The following GARNL3 variants were observed in gnomAD, a reference collection of about 807,000 sequenced individuals.
GARNL3 encodes the protein GTPase-activating Rap/Ran-GAP domain-like protein 3.
A neutral mutation model predicts 125.0 loss-of-function variants in GARNL3; 63 were observed. The ratio of observed to expected loss-of-function variants is 0.50; its 90% CI spans 0.41 to 0.62. GARNL3 has a LOEUF of 0.62. GARNL3 is among the 20% of genes least tolerant of loss of function. The pLI, the probability that GARNL3 is intolerant of heterozygous loss-of-function variation, is 0.00. For synonymous variants in GARNL3, 439 were observed against 457.5 expected, an observed-to-expected ratio of 0.96 and a Z score of 0.52; for missense variants, 994 against 1,244.0, an observed-to-expected ratio of 0.80 and a Z score of 3.02.
At chr9:127,235,081 TAAGTG>T (rs1164287073) in intron 1 of GARNL3, among the ~76,000 whole-genome samples, 3 of 152,164 alleles carry the variant, frequency 2.0e-5, no homozygotes, top group African/African-American at 7.2e-5. Flanking sequence ...ACATATGTGT[TAAGTG>T]AAGAGAAATA....
intron 1 of GARNL3, among the ~76,000 whole-genome samples, chr9:127,279,071 G>T (rs577551676): frequency 1.3e-5 from 2 of 152,156 alleles, no homozygotes; most frequent in East Asian, 1.9e-4. Context: ...CCTGAATTTG[G>T]GGGGGGACAC....
At chr9:127,270,721 T>G (rs1343644702) in intron 1 of GARNL3, among the ~76,000 whole-genome samples, 1 of 152,260 alleles carries the variant, frequency 6.6e-6, no homozygotes, top group South Asian at 2.1e-4. Context: ...TATATTCATT[T>G]CATTTACCAC....
chr9:127,381,758 G>A (rs1403664322), intron 22 of GARNL3, among the ~76,000 whole-genome samples: 3 of 118,924 alleles, frequency 2.5e-5, no homozygotes, highest in African/African-American at 8.3e-5. Context: ...CACCACGCCC[G>A]GCTAATTTTT....
At chr9:127,320,201 G>A (rs1195000385) in intron 5 of GARNL3, among the ~76,000 whole-genome samples, 2 of 152,146 alleles carry the variant, frequency 1.3e-5, no homozygotes, top group South Asian at 4.1e-4. Context: ...TGTATTGTAA[G>A]TAGTCTAGAA....
chr9:127,282,152 G>T (rs1270040087), intron 1 of GARNL3, among the ~76,000 whole-genome samples: 2 of 152,140 alleles, frequency 1.3e-5, no homozygotes, highest in Admixed American at 6.5e-5. Context: ...GTCCTCTAGG[G>T]CAGGGATCAT....
chr9:127,380,470 C>T (rs2131805240), intron 22 of GARNL3, among the ~76,000 whole-genome samples: 3 of 152,168 alleles, frequency 2.0e-5, no homozygotes, highest in Middle Eastern at 6.8e-3. Flanking sequence ...GAATATATGT[C>T]CATGCAGACT....
intron 12 of GARNL3, among the ~76,000 whole-genome samples, chr9:127,338,668 G>A (rs1253506783): frequency 6.6e-6 from 1 of 152,186 alleles, no homozygotes; most frequent in Non-Finnish European, 1.5e-5. Flanking sequence ...ACAATCAGAG[G>A]CAATACTGTA....
chr9:127,339,093 C>T (rs903230442), intron 12 of GARNL3, among the ~76,000 whole-genome samples: 5 of 151,756 alleles, frequency 3.3e-5, no homozygotes, highest in East Asian at 3.9e-4. Flanking sequence ...GTCAGGAGAT[C>T]GAGACCATCC....
intron 2 of GARNL3, chr9:127,300,960 G>T: frequency 5.2e-6 from 1 of 193,632 alleles, no homozygotes; most frequent in South Asian, 9.2e-5. Context: ...GGCCCCATAG[G>T]ATTCAGAAAT....
At chr9:127,270,626 G>A (rs960328859) in intron 1 of GARNL3, among the ~76,000 whole-genome samples, 3 of 152,172 alleles carry the variant, frequency 2.0e-5, no homozygotes, top group African/African-American at 7.2e-5. Context: ...GGCCTCCCCT[G>A]ACCATCCCAT....
At chr9:127,246,156 T>C (rs2063300241) in intron 2 of GARNL3, among the ~76,000 whole-genome samples, 1 of 152,154 alleles carries the variant, frequency 6.6e-6, no homozygotes, top group Non-Finnish European at 1.5e-5. Context: ...GCCATTGGTC[T>C]TGACTCTCTA....
intron 1 of GARNL3, among the ~76,000 whole-genome samples, chr9:127,285,791 T>G (rs558650840): frequency 6.6e-6 from 1 of 152,354 alleles, no homozygotes; most frequent in East Asian, 1.9e-4. Flanking sequence ...AGTTCTACTT[T>G]GTGATTTCAT....
chr9:127,387,216 T>A lies in GARNL3; in HGVS notation c.2412T>A (p.Thr804=). ...AGTCGGATATATACTTCACAGCAAC[T>A]GCAGCTGTGAATGAGGTCTCATCTG... is the stretch of plus-strand genomic sequence containing the variant. ...ASRSDIYFTA[T]AAVNEVSSGG... is the part of the protein sequence containing the mutation. The change falls in exon 25 of 28, where the codon ACT becomes ACA. Residue 804 remains threonine (T), a synonymous_variant. Transcript: ENST00000373387. 2 of 1,613,728 alleles carry A rather than the reference T, an allele frequency of 1.2e-6. No homozygotes were observed. The highest frequency in any genetic ancestry group is 1.7e-6 in the Non-Finnish European group (2 of 1,179,858).
chr9:127,366,129 C>G (rs1391583217), intron 22 of GARNL3, among the ~76,000 whole-genome samples: 1 of 152,078 alleles, frequency 6.6e-6, no homozygotes, highest in Admixed American at 6.6e-5. Context: ...ACATGTTTTT[C>G]GGCCTAGGAT....
chr9:127,342,899 T>C (rs1176783418), intron 14 of GARNL3, among the ~76,000 whole-genome samples: 1 of 147,446 alleles, frequency 6.8e-6, no homozygotes, highest in Non-Finnish European at 1.5e-5. Context: ...TTTCTTTTTT[T>C]TTTTTTTTTT....
chr9:127,327,736 C>T (rs529273721), intron 7 of GARNL3, among the ~76,000 whole-genome samples: 2 of 152,130 alleles, frequency 1.3e-5, no homozygotes, highest in South Asian at 4.2e-4. Context: ...TAGATTCATG[C>T]TTGTTGCAGG....
chr9:127,246,064 A>T (rs140040997), intron 2 of GARNL3, among the ~76,000 whole-genome samples: 1 of 152,178 alleles, frequency 6.6e-6, no homozygotes, highest in African/African-American at 2.4e-5. Context: ...TCAAAGACCT[A>T]CTTTGAAGTT....
chr9:127,245,148 TTA>T (rs2063275388), intron 2 of GARNL3, among the ~76,000 whole-genome samples: 1 of 151,880 alleles, frequency 6.6e-6, no homozygotes, highest in African/African-American at 2.4e-5. Flanking sequence ...CGAGCAGGAG[TTA>T]AAGTACCCGC....
chr9:127,351,154 C>T (rs1830403932), intron 17 of GARNL3, among the ~76,000 whole-genome samples: 1 of 152,178 alleles, frequency 6.6e-6, no homozygotes, highest in African/African-American at 2.4e-5. Flanking sequence ...AGAAAGCATG[C>T]TTCATAATGA....
Sources: allele counts gnomAD v4.1 joint callset (sites outside exome capture counted in the v4.1 genomes callset), GRCh38; gene constraint gnomAD v4.1.1; transcripts MANE v1.5; gene names NCBI Gene and HGNC (gene_info 2026-07-23, HGNC 2026-07-21).